Variants in TESK2 observed in about 807,000 individuals in gnomAD.
TESK2 encodes testis associated actin remodelling kinase 2.
TESK2 carries 39 observed loss-of-function variants against 57.1 expected under a neutral mutation model. That is an observed-to-expected ratio of 0.68 (90% CI 0.53 to 0.89). The LOEUF (loss-of-function observed/expected upper bound fraction) is 0.89. Ranked by LOEUF, TESK2 falls within the 40% of genes least tolerant of loss-of-function variation. The pLI is 0.00. For synonymous variants in TESK2, 249 were observed against 267.9 expected, an observed-to-expected ratio of 0.93 and a Z score of 0.69; for missense variants, 646 against 732.1, an observed-to-expected ratio of 0.88 and a Z score of 1.36.
rs1460596093 is a variant in TESK2 at position 45,436,178 on chromosome 1, CTTCT to C, written c.223-14336_223-14333del. 7.8e-3 allele frequency among the ~76,000 whole-genome samples: 101 copies of C among 12,998 alleles called. 3 individuals carry two copies. Among genetic ancestry groups the C allele is most frequent in the South Asian group, 0.027 (7 of 256 alleles). 8.5% of individuals were successfully genotyped at this position (12,998 alleles called of 152,430 possible). On this transcript the variant is annotated intron_variant, in intron 2 of 10. Transcript: ENST00000372086. ...TTTCTGTGAAAAATGACATTGGTATCTTCTTTTTTTTTTTTTTTTTTTTTGAGAT... is the reference window on the plus strand; with the variant it reads ...TTTCTGTGAAAAATGACATTGGTATCTTTTTTTTTTTTTTTTTTTTGAGAT...
rs760728381 is a variant in TESK2, at chr1:45,347,076, G to A, written c.709-14C>T. 4.8e-5 allele frequency: 77 copies of A among 1,613,672 alleles called. No homozygotes were observed. Among genetic ancestry groups the A allele is most frequent in the Non-Finnish European group, 6.1e-5 (72 of 1,179,650 alleles). The stretch of plus-strand genomic sequence containing the variant: ...GAACACATCTGCCTGGTGGGTAGTC[G>A]GACTTTGGTTTCCCTCTTAATGGGT... On this transcript the variant is annotated splice_polypyrimidine_tract_variant and intron_variant, in intron 7 of 10. Coordinates refer to ENST00000372086, the MANE Select transcript of TESK2 (RefSeq NM_007170.3).
At chr1:45,481,206 A>G (rs1468174518) in intron 1 of TESK2, among the ~76,000 whole-genome samples, 1 of 151,898 alleles carries the variant, frequency 6.6e-6, no homozygotes, top group Non-Finnish European at 1.5e-5. Flanking sequence ...TCCACTAAAA[A>G]TACAAAAAAT....
Position 45,343,975 on chromosome 1 carries a change from T to G in TESK2, c.*865A>C, listed in dbSNP as rs1315724119. 3 of 390,432 alleles carry G rather than the reference T, an allele frequency of 7.7e-6. No homozygotes were observed. The highest frequency in any genetic ancestry group is 1.4e-5 in the Non-Finnish European group (3 of 213,476). The allele number at this position is 390,432 out of a possible 1,614,324, so 24.2% of individuals were successfully genotyped here. ...CAACAGAAGCAAGTTATGAAAATAT[T>G]TGACCAGCTTCATCTTTGGTTATTT... On this transcript the variant is annotated 3_prime_UTR_variant, in exon 11 of 11. Transcript: ENST00000372086. The surrounding 1 kb of genome is among the most constrained non-coding windows in gnomAD (Gnocchi z 4.3).
chr1:45,356,618 T>C (rs1164617695), intron 4 of TESK2, among the ~76,000 whole-genome samples: 1 of 129,764 alleles, frequency 7.7e-6, no homozygotes, highest in African/African-American at 2.8e-5. Flanking sequence ...GACCCTGTCT[T>C]AAAAAAAAAA....
intron 3 of TESK2, among the ~76,000 whole-genome samples, chr1:45,387,086 T>C (rs1387930787): frequency 6.6e-6 from 1 of 152,178 alleles, no homozygotes; most frequent in Non-Finnish European, 1.5e-5. Flanking sequence ...GCCAGGCTGA[T>C]AAATTTCTAA....
At chr1:45,361,351 T>C (rs1327546775) in intron 4 of TESK2, among the ~76,000 whole-genome samples, 3 of 152,250 alleles carry the variant, frequency 2.0e-5, no homozygotes, top group Non-Finnish European at 1.5e-5. Context: ...ACCCAAGGCA[T>C]TGGTAATACA....
intron 2 of TESK2, among the ~76,000 whole-genome samples, chr1:45,453,968 G>A (rs2149298625): frequency 6.6e-6 from 1 of 152,228 alleles, no homozygotes; most frequent in East Asian, 1.9e-4. Context: ...ACCACAATGA[G>A]ATACCACTTT....
chr1:45,345,506 C>T lies in TESK2; in HGVS notation c.1050G>A (p.Lys350=), dbSNP rs751982230. Residue 350 remains lysine (K), a synonymous_variant, in exon 11 of 11, where the codon AAG becomes AAA. Transcript: ENST00000372086. ...TTGGGCATGGTGACTTGTGGGGGAT[C>T]TTGTCATCCAGTGAGCTTAGTCGCT... ...GVKRLSSLDD[K]IPHKSPCPRR... 1.2e-6 allele frequency: 2 copies of T among 1,614,114 alleles called. No homozygotes were observed. Among genetic ancestry groups the T allele is most frequent in the Non-Finnish European group, 1.7e-6 (2 of 1,180,016 alleles).
chr1:45,411,396 T>C (rs531532450), intron 3 of TESK2, among the ~76,000 whole-genome samples: 10 of 152,242 alleles, frequency 6.6e-5, no homozygotes, highest in African/African-American at 2.4e-4. Context: ...AGGCATTTGA[T>C]TCTCATAAGG....
chr1:45,367,442 G>A (rs1471117909), intron 4 of TESK2, among the ~76,000 whole-genome samples: 3 of 149,698 alleles, frequency 2.0e-5, no homozygotes, highest in Admixed American at 6.7e-5. Flanking sequence ...TGTTGACTCC[G>A]GGTTCAAGCA....
At chr1:45,356,878 T>A (rs1021920034) in intron 4 of TESK2, among the ~76,000 whole-genome samples, 2 of 151,982 alleles carry the variant, frequency 1.3e-5, no homozygotes, top group Admixed American at 1.3e-4. Context: ...GGCAAGAATG[T>A]CAATAGGAGA....
chr1:45,473,097 T>C (rs1224049724), intron 1 of TESK2, among the ~76,000 whole-genome samples: 1 of 146,672 alleles, frequency 6.8e-6, no homozygotes, highest in African/African-American at 2.5e-5. Flanking sequence ...GAGCTTGCAG[T>C]GAGCCGAGAT....
At chr1:45,452,387 A>G (rs76390288) in intron 2 of TESK2, among the ~76,000 whole-genome samples, 98 of 152,348 alleles carry the variant, frequency 6.4e-4, no homozygotes, top group Middle Eastern at 3.4e-3. Flanking sequence ...ACTTCAAAAA[A>G]GAATTACTAT....
chr1:45,355,588 C>T, intron 4 of TESK2, 139 bp from the exon 5 acceptor site: 1 of 888,678 alleles, frequency 1.1e-6, no homozygotes, highest in Non-Finnish European at 1.7e-6. Flanking sequence ...TGCCTCCAAG[C>T]ACTATGGTAG....
intron 1 of TESK2, among the ~76,000 whole-genome samples, chr1:45,487,930 T>C (rs1216035632): frequency 2.6e-5 from 4 of 151,944 alleles, no homozygotes; most frequent in Non-Finnish European, 5.9e-5. Flanking sequence ...CCTGAGTTTT[T>C]TTTTGCTTTT....
chr1:45,486,782 TACACACACAC>T lies in TESK2; in HGVS notation c.-87+4060_-87+4069del, dbSNP rs71052887. Among the ~76,000 whole-genome samples, 397 of 115,890 alleles carry T rather than the reference TACACACACAC, an allele frequency of 3.4e-3. 4 individuals are homozygous for T. The highest frequency in any genetic ancestry group is 0.022 in the East Asian group (81 of 3,600). The allele number at this position is 115,890 out of a possible 152,430, so 76.0% of individuals were successfully genotyped here. Reference sequence around the variant, plus strand: ...GTGGAGAGTCCCTAGCCTCCCAGCATACACACACACACACACACACACACACACACACACA... The same window carrying T: ...GTGGAGAGTCCCTAGCCTCCCAGCATACACACACACACACACACACACACA... On this transcript the variant is annotated intron_variant, in intron 1 of 10. Transcript: ENST00000372086.
At chr1:45,456,179 G>C (rs1461495680) in intron 2 of TESK2, among the ~76,000 whole-genome samples, 3 of 151,660 alleles carry the variant, frequency 2.0e-5, no homozygotes, top group Admixed American at 6.6e-5. Context: ...CTGGGTGACA[G>C]AGCGAAACCC....
At chr1:45,420,862 AC>A (rs1650445234) in intron 3 of TESK2, among the ~76,000 whole-genome samples, 1 of 152,230 alleles carries the variant, frequency 6.6e-6, no homozygotes, top group African/African-American at 2.4e-5. Flanking sequence ...TGCTGGGATT[AC>A]AGGCGTGAGC....
intron 3 of TESK2, among the ~76,000 whole-genome samples, chr1:45,388,760 G>A (rs561709703): frequency 1.9e-5 from 2 of 107,800 alleles, no homozygotes; most frequent in South Asian, 6.4e-4. Flanking sequence ...TCATTCTGTT[G>A]CCCAGGCTGG....
Sources: allele counts gnomAD v4.1 joint callset (sites outside exome capture counted in the v4.1 genomes callset), GRCh38; gene constraint gnomAD v4.1.1; non-coding constraint Gnocchi (gnomAD v3.1); transcripts MANE v1.5; gene names NCBI Gene and HGNC (gene_info 2026-07-23, HGNC 2026-07-21).